FBXL7: variants seen among roughly 807,000 people sequenced by gnomAD.
FBXL7 encodes the protein F-box and leucine rich repeat protein 7.
FBXL7 carries 12 observed loss-of-function variants against 38.3 expected under a neutral mutation model. The ratio of observed to expected loss-of-function variants is 0.31; its 90% CI spans 0.20 to 0.51. FBXL7 has a LOEUF of 0.51. Ranked by LOEUF, FBXL7 falls within the 20% of genes least tolerant of loss-of-function variation. The probability of loss-of-function intolerance (pLI) is 0.98; values close to 1 mark genes in which losing one functional copy is unlikely to be tolerated. For missense variants in FBXL7, 567 were observed against 676.4 expected (o/e 0.84, Z 1.79); for synonymous variants, 297 against 300.9 (o/e 0.99, Z 0.13).
At chr5:15,784,527 T>C (rs1737082977) in intron 2 of FBXL7, among the ~76,000 whole-genome samples, 1 of 152,030 alleles carries the variant, frequency 6.6e-6, no homozygotes, top group African/African-American at 2.4e-5. Flanking sequence ...CGTTGAAATG[T>C]AATCCCCAGT....
intron 2 of FBXL7, among the ~76,000 whole-genome samples, chr5:15,674,873 C>T (rs1391727017): frequency 6.6e-6 from 1 of 152,174 alleles, no homozygotes; most frequent in Non-Finnish European, 1.5e-5. Context: ...GATAAACTCA[C>T]AGCATTTCTT....
At chr5:15,544,600 C>T (rs895571346) in intron 1 of FBXL7, among the ~76,000 whole-genome samples, 4 of 151,994 alleles carry the variant, frequency 2.6e-5, no homozygotes, top group Non-Finnish European at 4.4e-5. Flanking sequence ...CACATGCCAC[C>T]AAATAGAAAA....
chr5:15,641,455 G>A (rs1420034551), intron 2 of FBXL7, among the ~76,000 whole-genome samples: 1 of 152,030 alleles, frequency 6.6e-6, no homozygotes, highest in African/African-American at 2.4e-5. Context: ...GGGAAACCAA[G>A]AGGAATGGGG....
At chr5:15,624,405 C>G (rs1354457324) in intron 2 of FBXL7, among the ~76,000 whole-genome samples, 2 of 152,200 alleles carry the variant, frequency 1.3e-5, no homozygotes, top group Non-Finnish European at 2.9e-5. Flanking sequence ...CCTGAGAATC[C>G]TCGCCTGCAC....
intron 1 of FBXL7, among the ~76,000 whole-genome samples, chr5:15,594,796 C>A (rs954977436): frequency 6.6e-6 from 1 of 152,236 alleles, no homozygotes; most frequent in Admixed American, 6.5e-5. Context: ...AGAATGACCT[C>A]TCTTCTTTGC....
At chr5:15,586,449 A>G (rs987325266) in intron 1 of FBXL7, among the ~76,000 whole-genome samples, 1 of 151,692 alleles carries the variant, frequency 6.6e-6, no homozygotes, top group African/African-American at 2.4e-5. Context: ...TGGAATGGAA[A>G]CATATAACTT....
In FBXL7 at chr5:15,730,325, G is replaced by GA. The variant is rs996023469; in HGVS notation, c.127+114257dup. On this transcript the variant is annotated intron_variant, in intron 2 of 3. Coordinates refer to ENST00000504595, the MANE Select transcript of FBXL7 (RefSeq NM_012304.5). ...TCTTTGGCTACTAGGAAGATTAGAA[G>GA]AAAATGTGCCGCCCACGTATAATAA... Among the ~76,000 whole-genome samples the GA allele has an allele frequency of 3.5e-4, 53 of 152,162 alleles. 1 individual carries two copies. The highest frequency in any genetic ancestry group is 1.3e-3 in the African/African-American group (52 of 41,524).
intron 2 of FBXL7, among the ~76,000 whole-genome samples, chr5:15,793,186 C>A (rs1424515759): frequency 6.6e-6 from 1 of 152,136 alleles, no homozygotes; most frequent in Non-Finnish European, 1.5e-5. Context: ...AAGTGTCTTC[C>A]TCTCCTAGGG....
At chr5:15,894,210 G>A (rs1046856360) in intron 2 of FBXL7, among the ~76,000 whole-genome samples, 4 of 152,318 alleles carry the variant, frequency 2.6e-5, no homozygotes, top group South Asian at 2.1e-4. Flanking sequence ...GCGGTGAGCC[G>A]AGATCGCACC....
intron 2 of FBXL7, among the ~76,000 whole-genome samples, chr5:15,836,350 A>G (rs1167311963): frequency 1.3e-5 from 2 of 152,298 alleles, no homozygotes; most frequent in Admixed American, 6.5e-5. Context: ...GAGACAAATT[A>G]TATAGTATTT....
At chr5:15,523,426 G>A (rs1227878684) in intron 1 of FBXL7, among the ~76,000 whole-genome samples, 3 of 152,100 alleles carry the variant, frequency 2.0e-5, no homozygotes, top group Non-Finnish European at 4.4e-5. Context: ...GGGTGTGGTG[G>A]CAGACGCCTG....
intron 1 of FBXL7, among the ~76,000 whole-genome samples, chr5:15,535,086 G>T (rs989268458): frequency 6.6e-6 from 1 of 152,206 alleles, no homozygotes; most frequent in South Asian, 2.1e-4. Flanking sequence ...GGCCATGTAA[G>T]ATGTGCCTTG....
At chr5:15,823,806 G>A (rs1042804177) in intron 2 of FBXL7, among the ~76,000 whole-genome samples, 1 of 152,152 alleles carries the variant, frequency 6.6e-6, no homozygotes, top group Non-Finnish European at 1.5e-5. Context: ...CCTCTCTTCA[G>A]TGACTCCTCA....
intron 2 of FBXL7, among the ~76,000 whole-genome samples, chr5:15,730,128 T>C (rs1278236358): frequency 1.3e-5 from 2 of 152,192 alleles, no homozygotes; most frequent in African/African-American, 4.8e-5. Flanking sequence ...TAGAATTCTC[T>C]TGAACCACAA....
rs753206885 is a variant in FBXL7 at position 15,935,234 on chromosome 5, C to T, written c.740-1216C>T. 1.1e-5 allele frequency: 6 copies of T among 534,626 alleles called. No homozygotes were observed. The East Asian group carries it at 2.2e-4, about 19-fold the overall frequency. The allele number at this position is 534,626 out of a possible 1,614,324, so 33.1% of individuals were successfully genotyped here. A position where few individuals can be genotyped will look rare whatever the true frequency, so the allele number is the denominator to read the frequency against. ...CTCTGGATTTTACACTTGGAGTGAA[C>T]GGGCGCCATCCCGAGGCTTTGCACA... is the stretch of plus-strand genomic sequence containing the variant. On this transcript the variant is annotated intron_variant, in intron 3 of 3. Transcript: ENST00000504595.
At chr5:15,934,229 T>A (rs1056419889) in intron 3 of FBXL7, among the ~76,000 whole-genome samples, 1 of 152,176 alleles carries the variant, frequency 6.6e-6, no homozygotes, top group African/African-American at 2.4e-5. Flanking sequence ...AGTCTTGAAC[T>A]CCTGGGCTCA....
At chr5:15,788,626 C>T (rs1737192410) in intron 2 of FBXL7, among the ~76,000 whole-genome samples, 1 of 152,064 alleles carries the variant, frequency 6.6e-6, no homozygotes, top group Non-Finnish European at 1.5e-5. Context: ...TTGCTGGAAA[C>T]ATCACTCTCC....
chr5:15,826,195 C>A (rs1317721647), intron 2 of FBXL7, among the ~76,000 whole-genome samples: 3 of 152,160 alleles, frequency 2.0e-5, no homozygotes, highest in African/African-American at 4.8e-5. Context: ...TTTTCGAAGT[C>A]TTTATTTTCA....
intron 2 of FBXL7, among the ~76,000 whole-genome samples, chr5:15,873,675 A>C (rs1032753632): frequency 3.3e-5 from 5 of 152,232 alleles, no homozygotes; most frequent in African/African-American, 9.6e-5. Context: ...GAAGAAGTGC[A>C]TAAATTCCTG....
Sources: gnomAD v4.1 joint callset for allele counts (sites outside exome capture counted in the v4.1 genomes callset) on GRCh38, gnomAD v4.1.1 for gene constraint, MANE v1.5 for transcripts, NCBI Gene and HGNC (gene_info 2026-07-23, HGNC 2026-07-21) for gene names.